Variants in DYNLL2 observed in about 807,000 individuals in gnomAD.
The protein encoded by DYNLL2 is dynein light chain LC8-type 2.
DYNLL2 carries 1 observed loss-of-function variant against 9.7 expected under a neutral mutation model. The observed-to-expected ratio is 0.10, with a 90% CI of 0.04 to 0.49. The LOEUF is 0.49. DYNLL2 is among the 20% of genes least tolerant of loss of function. DYNLL2 has a pLI of 0.95. For synonymous variants in DYNLL2, 35 were observed against 40.5 expected, an observed-to-expected ratio of 0.86 and a Z score of 0.52; for missense variants, 37 against 115.2, an observed-to-expected ratio of 0.32 and a Z score of 3.11.
In DYNLL2 at chr17:58,090,728, G is replaced by A. The variant is rs1449143407; in HGVS notation, c.*1449G>A. 2.3e-5 allele frequency: 3 copies of A among 128,366 alleles called. No homozygotes were observed. The highest frequency in any genetic ancestry group is 4.8e-5 in the Non-Finnish European group (3 of 61,976). 8.0% of individuals were successfully genotyped at this position (128,366 alleles called of 1,614,324 possible). A position where few individuals can be genotyped will look rare whatever the true frequency, so the allele number is the denominator to read the frequency against. ...GGAGGATGCAGGGGAAATCTTGTCT[G>A]TTAATGAAATAGGAGTGGGGTGGGG... On this transcript the variant is annotated 3_prime_UTR_variant, in exon 3 of 3. Transcript: ENST00000579991.
At position 58,089,753 on chromosome 17, in the gene DYNLL2, A is replaced by G. The variant is rs950724305; in HGVS notation, c.*474A>G. The G allele has an allele frequency of 5.0e-6, 2 of 400,908 alleles. No homozygotes were observed. Among genetic ancestry groups the G allele is most frequent in the Admixed American group, 4.4e-5 (1 of 22,762 alleles). 24.8% of individuals were successfully genotyped at this position (400,908 alleles called of 1,614,324 possible). A position where few individuals can be genotyped will look rare whatever the true frequency, so the allele number is the denominator to read the frequency against. On this transcript the variant is annotated 3_prime_UTR_variant, in exon 3 of 3. Coordinates refer to ENST00000579991, the MANE Select transcript of DYNLL2 (RefSeq NM_080677.3). ...GGGGACAGTGTTGGGATTGTCAAGG[A>G]AAAAGGGGTAGGAAGGAAGGTGGAG...
In DYNLL2 at chr17:58,092,444, T is replaced by C. The variant is rs2075783494; in HGVS notation, c.*3165T>C. The C allele has an allele frequency of 6.6e-6, 1 of 152,242 alleles. No individual in the cohort carries two copies. Among genetic ancestry groups the C allele is most frequent in the Admixed American group, 6.5e-5 (1 of 15,284 alleles). The allele number at this position is 152,242 out of a possible 1,614,324, so 9.4% of individuals were successfully genotyped here. A position where few individuals can be genotyped will look rare whatever the true frequency, so the allele number is the denominator to read the frequency against. ...TCCTGGAGGAGATGAGCCTCCACTT[T>C]TCGGGGCCCAGGATGGGAAAGTATG... On this transcript the variant is annotated 3_prime_UTR_variant, in exon 3 of 3. Transcript: ENST00000579991.
At chr17:58,087,793 C>T (rs776803916) in intron 2 of DYNLL2, among the ~76,000 whole-genome samples, 1 of 152,044 alleles carries the variant, frequency 6.6e-6, no homozygotes, top group Non-Finnish European at 1.5e-5. Flanking sequence ...AGGTTTGGTC[C>T]CTGAAAAATT....
intron 1 of DYNLL2, among the ~76,000 whole-genome samples, chr17:58,085,547 A>G (rs746322211): frequency 1.3e-5 from 2 of 152,150 alleles, no homozygotes; most frequent in Non-Finnish European, 2.9e-5. Flanking sequence ...TTACTGCTCC[A>G]TGTGTTGGGA....
At chr17:58,084,221 G>A (rs1013441345) in intron 1 of DYNLL2, among the ~76,000 whole-genome samples, 2 of 151,930 alleles carry the variant, frequency 1.3e-5, no homozygotes, top group African/African-American at 2.4e-5. Flanking sequence ...ATGCTTCCTC[G>A]TTCCCCAGGT....
At chr17:58,085,072 C>T (rs927202051) in intron 1 of DYNLL2, among the ~76,000 whole-genome samples, 2 of 152,184 alleles carry the variant, frequency 1.3e-5, no homozygotes, top group Non-Finnish European at 2.9e-5. Flanking sequence ...CAGGGTTCTC[C>T]GAATCTTTCC....
intron 1 of DYNLL2, among the ~76,000 whole-genome samples, chr17:58,083,891 C>T (rs2075746562): frequency 6.6e-6 from 1 of 151,352 alleles, no homozygotes; most frequent in South Asian, 2.1e-4. Flanking sequence ...GCAGCCCGGG[C>T]TGCGCCACCC....
rs2075781745 is a variant in DYNLL2, at chr17:58,091,972, C to T, written c.*2693C>T. 6.6e-6 allele frequency: 1 copy of T among 152,194 alleles called. No individual in the cohort carries two copies. Among genetic ancestry groups the T allele is most frequent in the African/African-American group, 2.4e-5 (1 of 41,442 alleles). 9.4% of individuals were successfully genotyped at this position (152,194 alleles called of 1,614,324 possible). ...AAGTTCTAGGCTTCTATGACATACA[C>T]ATTCTTATGTGTAGAGCAGACATAC... On this transcript the variant is annotated 3_prime_UTR_variant, in exon 3 of 3. Coordinates refer to ENST00000579991, the MANE Select transcript of DYNLL2 (RefSeq NM_080677.3).
At chr17:58,088,400 T>TG (rs1018207241) in intron 2 of DYNLL2, among the ~76,000 whole-genome samples, 2 of 152,212 alleles carry the variant, frequency 1.3e-5, no homozygotes, top group African/African-American at 4.8e-5. Flanking sequence ...GCAGCGTTGG[T>TG]GGGCCCATGG....
At chr17:58,089,043 A>T in intron 2 of DYNLL2, 99 bp from the exon 3 acceptor site, 1 of 1,476,804 alleles carries the variant, frequency 6.8e-7, no homozygotes, top group East Asian at 2.3e-5. Context: ...TAACAACCAA[A>T]CGTGTCGGTG....
chr17:58,089,063 C>G (rs2075770805), intron 2 of DYNLL2, 79 bp from the exon 3 acceptor site: 17 of 1,558,910 alleles, frequency 1.1e-5, no homozygotes, highest in Non-Finnish European at 1.5e-5. Flanking sequence ...GCTGGAGTTG[C>G]AGGGAGAGAC....
chr17:58,093,883 C>T lies in DYNLL2; in HGVS notation c.*4604C>T, dbSNP rs2075788969. 6.6e-6 allele frequency: 1 copy of T among 152,178 alleles called. No homozygotes were observed. Among genetic ancestry groups the T allele is most frequent in the African/African-American group, 2.4e-5 (1 of 41,410 alleles). 9.4% of individuals were successfully genotyped at this position (152,178 alleles called of 1,614,324 possible). On this transcript the variant is annotated 3_prime_UTR_variant, in exon 3 of 3. Coordinates refer to ENST00000579991, the MANE Select transcript of DYNLL2 (RefSeq NM_080677.3). ...CTGTTGCCTGTTGAGGTCAGGTGTACCTGTGTGTCTCTCTCTGTGATGTAT... is the reference window on the plus strand; with the variant it reads ...CTGTTGCCTGTTGAGGTCAGGTGTATCTGTGTGTCTCTCTCTGTGATGTAT...
At chr17:58,088,836 A>AG (rs2075769814) in intron 2 of DYNLL2, among the ~76,000 whole-genome samples, 1 of 150,728 alleles carries the variant, frequency 6.6e-6, no homozygotes, top group Non-Finnish European at 1.5e-5. Flanking sequence ...AGGGTGGGCT[A>AG]GGGGTGGCGT....
Position 58,090,025 on chromosome 17 carries a change from G to A in DYNLL2, c.*746G>A, listed in dbSNP as rs2075774390. ...ACAGGAGGATGCTGGGGTAGGATTA[G>A]CTTGAATCTTTTTTTTCTTTACATT... is the stretch of plus-strand genomic sequence containing the variant. On this transcript the variant is annotated 3_prime_UTR_variant, in exon 3 of 3. Transcript: ENST00000579991. The A allele has an allele frequency of 2.5e-6, 1 of 397,772 alleles. No individual in the cohort carries two copies. Among genetic ancestry groups the A allele is most frequent in the South Asian group, 1.3e-4 (1 of 7,484 alleles). The allele number at this position is 397,772 out of a possible 1,614,324, so 24.6% of individuals were successfully genotyped here. A position where few individuals can be genotyped will look rare whatever the true frequency, so the allele number is the denominator to read the frequency against.
rs1567767289 is a variant in DYNLL2, at chr17:58,090,832, A to ATG, written c.*1556_*1557dup. ...TCAAAACTCTCGTGTAGGGTTGACA[A>ATG]TGTGGGGGGGTGGGGGATCCAGCTT... On this transcript the variant is annotated 3_prime_UTR_variant, in exon 3 of 3. Coordinates refer to ENST00000579991, the MANE Select transcript of DYNLL2 (RefSeq NM_080677.3). 7.1e-6 allele frequency: 1 copy of ATG among 141,182 alleles called. No homozygotes were observed. The highest frequency in any genetic ancestry group is 2.4e-4 in the East Asian group (1 of 4,236). 8.7% of individuals were successfully genotyped at this position (141,182 alleles called of 1,614,324 possible).
In DYNLL2 at chr17:58,083,460, C is replaced by CGGGT. The variant is rs1567764951; in HGVS notation, c.-230_-229insTGGG. 9.3e-5 allele frequency: 3 copies of CGGGT among 32,340 alleles called. No individual in the cohort carries two copies. Among genetic ancestry groups the CGGGT allele is most frequent in the Non-Finnish European group, 2.0e-4 (3 of 15,004 alleles). The allele number at this position is 32,340 out of a possible 1,614,324, so 2.0% of individuals were successfully genotyped here. A position where few individuals can be genotyped will look rare whatever the true frequency, so the allele number is the denominator to read the frequency against. Reference sequence around the variant, plus strand: ...GGAGCTGTGAGGCGCCAGTGCGGAGCGGGCGGGCGGGCGGGCGGCGTGAGG... The same window carrying CGGGT: ...GGAGCTGTGAGGCGCCAGTGCGGAGCGGGTGGGCGGGCGGGCGGGCGGCGTGAGG... On this transcript the variant is annotated 5_prime_UTR_variant, in exon 1 of 3. Coordinates refer to ENST00000579991, the MANE Select transcript of DYNLL2 (RefSeq NM_080677.3).
intron 1 of DYNLL2, among the ~76,000 whole-genome samples, chr17:58,084,074 C>A (rs909181513): frequency 6.6e-6 from 1 of 152,018 alleles, no homozygotes; most frequent in Non-Finnish European, 1.5e-5. Flanking sequence ...CCACCGCCAC[C>A]CTCTGGGGCG....
intron 2 of DYNLL2, 96 bp downstream of exon 2, chr17:58,087,318 G>A (rs529120731): frequency 2.6e-5 from 39 of 1,522,400 alleles, no homozygotes; most frequent in African/African-American, 6.9e-5. Context: ...AAGAAAGCCC[G>A]TATATCCTGT....
At chr17:58,087,591 T>C (rs2075764941) in intron 2 of DYNLL2, among the ~76,000 whole-genome samples, 1 of 152,212 alleles carries the variant, frequency 6.6e-6, no homozygotes, top group Admixed American at 6.5e-5. Context: ...GAATAAGATG[T>C]ACAAATTTTC....
Sources: gnomAD v4.1 joint callset for allele counts (sites outside exome capture counted in the v4.1 genomes callset) on GRCh38, gnomAD v4.1.1 for gene constraint, MANE v1.5 for transcripts, NCBI Gene and HGNC (gene_info 2026-07-23, HGNC 2026-07-21) for gene names.